Variants in DACH2 observed in about 807,000 individuals in gnomAD.
The protein encoded by DACH2 is dachshund homolog 2.
Under a neutral mutation model 35.8 loss-of-function variants are expected in DACH2, and 17 were observed. That is an observed-to-expected ratio of 0.48 (90% CI 0.33 to 0.71). The LOEUF is 0.71. Ranked by LOEUF, DACH2 falls within the 30% of genes least tolerant of loss-of-function variation. The pLI is 0.02. For missense variants in DACH2, 469 were observed against 472.7 expected (o/e 0.99, Z 0.07); for synonymous variants, 195 against 177.3 (o/e 1.10, Z -0.79).
In DACH2 at chrX:86,255,112, A is replaced by G. The variant is rs1602327585; in HGVS notation, c.488+106004A>G. Among the ~76,000 whole-genome samples the G allele has an allele frequency of 2.7e-5, 3 of 110,058 alleles. No homozygotes were observed. The South Asian group carries it at 1.2e-3, about 43-fold the overall frequency. On this transcript the variant is annotated intron_variant, in intron 1 of 11. Transcript: ENST00000373125. ...AAATCGAAGATTGTTCTTTCCTGCC[A>G]CTGAGATGAGCAGCTCTTTCTCCTT...
chrX:86,748,413 T>C (rs956095559), intron 7 of DACH2, among the ~76,000 whole-genome samples: 3 of 112,322 alleles, frequency 2.7e-5, no homozygotes, highest in Non-Finnish European at 5.6e-5. Context: ...TTACTCCGTA[T>C]TACATAGCTG....
At chrX:86,388,370 G>T (rs1252519049) in intron 2 of DACH2, among the ~76,000 whole-genome samples, 1 of 111,769 alleles carries the variant, frequency 8.9e-6, no homozygotes, top group Admixed American at 9.5e-5. Context: ...TGGCAAGTTA[G>T]GCCCTGTTAA....
At chrX:86,186,204 A>G (rs911865221) in intron 1 of DACH2, among the ~76,000 whole-genome samples, 7 of 112,602 alleles carry the variant, frequency 6.2e-5, no homozygotes, top group Non-Finnish European at 1.3e-4. Flanking sequence ...AGGATATTTG[A>G]GATAACAACA....
At chrX:86,359,521 A>G (rs2035703332) in intron 1 of DACH2, among the ~76,000 whole-genome samples, 1 of 111,713 alleles carries the variant, frequency 9.0e-6, no homozygotes, top group Non-Finnish European at 1.9e-5. Context: ...GCCAAGGCCA[A>G]AGGATTGGTT....
chrX:86,333,500 T>C (rs2035248104), intron 1 of DACH2, among the ~76,000 whole-genome samples: 1 of 111,462 alleles, frequency 9.0e-6, no homozygotes, highest in South Asian at 3.8e-4. Flanking sequence ...AACAAGGGGT[T>C]CAGAAAGACA....
intron 10 of DACH2, among the ~76,000 whole-genome samples, chrX:86,815,765 A>G (rs1321058223): frequency 9.2e-6 from 1 of 108,496 alleles, no homozygotes; most frequent in African/African-American, 3.3e-5. Flanking sequence ...TAATGGACAG[A>G]CTATTTTCCT....
intron 6 of DACH2, among the ~76,000 whole-genome samples, chrX:86,737,094 C>G (rs1434132347): frequency 9.0e-6 from 1 of 111,277 alleles, no homozygotes; most frequent in Non-Finnish European, 1.9e-5. Context: ...AGTTGAATTT[C>G]ACAACTGATA....
At chrX:86,212,368 A>C (rs1169551253) in intron 1 of DACH2, among the ~76,000 whole-genome samples, 1 of 111,443 alleles carries the variant, frequency 9.0e-6, no homozygotes, top group Admixed American at 9.6e-5. Context: ...AATATTCTGA[A>C]TGTTTTGAAC....
intron 1 of DACH2, among the ~76,000 whole-genome samples, chrX:86,348,154 C>G (rs1306843443): frequency 1.8e-5 from 2 of 111,583 alleles, no homozygotes; most frequent in East Asian, 5.6e-4. Context: ...TCCTACCACC[C>G]GTCTTTTTCT....
At chrX:86,342,642 A>G (rs1278596328) in intron 1 of DACH2, among the ~76,000 whole-genome samples, 1 of 109,301 alleles carries the variant, frequency 9.1e-6, no homozygotes. Context: ...CCCCATTTCT[A>G]CTAAAAATAC....
At chrX:86,481,895 A>G (rs970202745) in intron 2 of DACH2, 5 of 112,459 alleles carry the variant, frequency 4.4e-5, no homozygotes, top group Non-Finnish European at 9.4e-5. Flanking sequence ...TTAAACATGC[A>G]ATAGCATGAA....
chrX:86,218,404 A>AT (rs1474886537), intron 1 of DACH2, among the ~76,000 whole-genome samples: 1 of 111,811 alleles, frequency 8.9e-6, no homozygotes, highest in African/African-American at 3.3e-5. Context: ...ATTTCTCCTC[A>AT]TTAGTTGTAA....
intron 2 of DACH2, among the ~76,000 whole-genome samples, chrX:86,414,050 A>T (rs2036659172): frequency 9.0e-6 from 1 of 111,375 alleles, no homozygotes; most frequent in South Asian, 3.8e-4. Context: ...GATGTGAGAA[A>T]GGTTCACTGC....
At chrX:86,811,995 C>T (rs1394808825) in intron 7 of DACH2, among the ~76,000 whole-genome samples, 17 of 111,721 alleles carry the variant, frequency 1.5e-4, no homozygotes, top group African/African-American at 2.9e-4. Context: ...TTATGTCATA[C>T]GTGTTATTTT....
At chrX:86,605,829 T>C in intron 3 of DACH2, among the ~76,000 whole-genome samples, 1 of 110,984 alleles carries the variant, frequency 9.0e-6, no homozygotes, top group Non-Finnish European at 1.9e-5. Context: ...TCACTGTTTC[T>C]TGTTTGTATT....
intron 1 of DACH2, among the ~76,000 whole-genome samples, chrX:86,337,931 GACTTTA>G (rs201332984): frequency 0.22 from 24,499 of 109,910 alleles, 3,721 homozygotes; most frequent in African/African-American, 0.54. Flanking sequence ...TGATAAAATA[GACTTTA>G]ACTTTAAACC....
At chrX:86,530,636 C>G (rs1294501787) in intron 3 of DACH2, among the ~76,000 whole-genome samples, 2 of 111,982 alleles carry the variant, frequency 1.8e-5, no homozygotes, top group Admixed American at 1.9e-4. Context: ...ATAAATTACT[C>G]AGTCTTAGGA....
At chrX:86,588,088 G>C (rs769074274) in intron 3 of DACH2, among the ~76,000 whole-genome samples, 1 of 111,376 alleles carries the variant, frequency 9.0e-6, no homozygotes, top group South Asian at 3.8e-4. Context: ...TCTGAGTATG[G>C]ATAGACAGTT....
At chrX:86,304,222 C>T (rs7052641) in intron 1 of DACH2, 16,185 of 111,142 alleles carry the variant, frequency 0.15, 1,134 homozygotes, top group Admixed American at 0.26. Flanking sequence ...AAAATCACCT[C>T]GGAGTTGCCC....
Sources: gnomAD v4.1 joint callset for allele counts (sites outside exome capture counted in the v4.1 genomes callset) on GRCh38, gnomAD v4.1.1 for gene constraint, MANE v1.5 for transcripts, NCBI Gene and HGNC (gene_info 2026-07-23, HGNC 2026-07-21) for gene names.